ENG: variants seen among roughly 807,000 people sequenced by gnomAD.
ENG encodes CD105 antigen.
Under a neutral mutation model 71.0 loss-of-function variants are expected in ENG, and 17 were observed. That is an observed-to-expected ratio of 0.24 (90% confidence interval 0.16 to 0.36). The LOEUF (loss-of-function observed/expected upper bound fraction) is 0.36. Ranked by LOEUF, ENG falls within the 10% of genes least tolerant of loss-of-function variation. ENG has a pLI of 1.00. For synonymous variants in ENG, 360 were observed against 366.9 expected, an observed-to-expected ratio of 0.98 and a Z score of 0.21; for missense variants, 749 against 868.3, an observed-to-expected ratio of 0.86 and a Z score of 1.73.
intron 13 of ENG, 147 bp downstream of exon 13, chr9:127,817,002 G>C: frequency 1.1e-6 from 1 of 873,976 alleles, no homozygotes; most frequent in Non-Finnish European, 1.9e-6. Flanking sequence ...GCTCTGGGAA[G>C]CCCTCCTCCT....
chr9:127,822,057 A>G (rs1830480809), intron 8 of ENG, among the ~76,000 whole-genome samples: 1 of 151,958 alleles, frequency 6.6e-6, no homozygotes, highest in Non-Finnish European at 1.5e-5. Context: ...CAAAGAAAAA[A>G]AAAGAAAAGA....
chr9:127,843,179 G>T lies in ENG; in HGVS notation c.134C>A (p.Thr45Asn). The T allele has an allele frequency of 6.2e-7, 1 of 1,614,234 alleles. No homozygotes were observed. Among genetic ancestry groups the T allele is most frequent in the Non-Finnish European group, 8.5e-7 (1 of 1,180,050 alleles). The change falls in exon 2 of 15, where the codon ACC becomes AAC. Residue 45 changes from threonine to asparagine, a missense_variant. Thr to Asn is a moderately conservative substitution (Grantham distance 65). Coordinates refer to ENST00000373203, the MANE Select transcript of ENG (RefSeq NM_001114753.3). The part of the protein sequence containing the change: ...VGPERGEVTY[T>N]TSQVSKGCVA... ...GCAGCCCTTCGAGACCTGGCTAGTG[G>T]TATATGTCACCTCGCCCCTCTCGGG...
chr9:127,828,438 G>A (rs918742031), intron 3 of ENG, among the ~76,000 whole-genome samples: 18 of 152,334 alleles, frequency 1.2e-4, no homozygotes, highest in Middle Eastern at 3.4e-3. Context: ...GCCCCAGGGA[G>A]CCCGCTCGGG....
intron 2 of ENG, among the ~76,000 whole-genome samples, chr9:127,834,537 T>G (rs7023430): frequency 0.051 from 7,722 of 152,278 alleles, 599 homozygotes; most frequent in African/African-American, 0.17. Flanking sequence ...CCTGAGTAAC[T>G]GGGATTACAG....
intron 8 of ENG, among the ~76,000 whole-genome samples, chr9:127,823,475 G>A (rs1404296601): frequency 6.7e-6 from 1 of 149,438 alleles, no homozygotes; most frequent in East Asian, 2.0e-4. Flanking sequence ...TGCAAGCTCT[G>A]CCTCCCGGGT....
intron 2 of ENG, among the ~76,000 whole-genome samples, chr9:127,833,478 C>T (rs945543097): frequency 6.8e-6 from 1 of 146,536 alleles, no homozygotes; most frequent in East Asian, 2.0e-4. Flanking sequence ...GCCAAGATCG[C>T]GCCATTGAGC....
At chr9:127,824,188 CT>C in intron 8 of ENG, 115 bp downstream of exon 8, 1 of 1,465,772 alleles carries the variant, frequency 6.8e-7, no homozygotes, top group Non-Finnish European at 9.5e-7. Context: ...AAAACTAAGG[CT>C]TGCAGAGGGA....
intron 8 of ENG, among the ~76,000 whole-genome samples, chr9:127,823,870 A>G (rs1284394515): frequency 6.6e-6 from 1 of 151,652 alleles, no homozygotes; most frequent in African/African-American, 2.4e-5. Flanking sequence ...TAGTAAAGAC[A>G]GGGTTTCACC....
chr9:127,852,211 G>A (rs1423701241), intron 1 of ENG, among the ~76,000 whole-genome samples: 3 of 152,172 alleles, frequency 2.0e-5, no homozygotes, highest in African/African-American at 7.2e-5. Flanking sequence ...CACGGACCAC[G>A]CATCTTTACA....
chr9:127,837,762 C>CCATG (rs2131908617), intron 2 of ENG, among the ~76,000 whole-genome samples: 1 of 149,380 alleles, frequency 6.7e-6, no homozygotes, highest in East Asian at 1.9e-4. Context: ...ATCCTCTCAT[C>CCATG]CATGCATGAA....
At chr9:127,825,493 C>T in intron 5 of ENG, 136 bp from the exon 6 acceptor site, 1 of 1,448,430 alleles carries the variant, frequency 6.9e-7, no homozygotes, top group Non-Finnish European at 9.4e-7. Flanking sequence ...GGACTGGGGC[C>T]AGGCTTGTGC....
chr9:127,825,341 C>A lies in ENG; in HGVS notation c.706G>T (p.Val236Leu). ...GHSAGPRTVTVKVELSCAPGD... is the reference protein window; with the variant it reads ...GHSAGPRTVTLKVELSCAPGD... ...GGTGCGCAGCTCAGTTCCACCTTCA[C>A]CGTCACCGTCCGGGGCCTGCGGGGA... The change falls in exon 6 of 15, where the codon GTG becomes TTG. Residue 236 changes from valine to leucine, a missense_variant. Transcript: ENST00000373203. The A allele has an allele frequency of 6.2e-7, 1 of 1,610,384 alleles. No homozygotes were observed.
chr9:127,821,701 C>A (rs1226769242), intron 8 of ENG, among the ~76,000 whole-genome samples: 1 of 146,452 alleles, frequency 6.8e-6, no homozygotes, highest in Non-Finnish European at 1.5e-5. Context: ...CATAGTGAAA[C>A]CCCGTCTCTG....
intron 2 of ENG, among the ~76,000 whole-genome samples, chr9:127,840,321 C>T (rs557757694): frequency 5.9e-5 from 9 of 152,318 alleles, no homozygotes; most frequent in South Asian, 2.1e-4. Flanking sequence ...TGGGGCCAGA[C>T]GCAGTGGCTC....
rs1297348681 is a variant in ENG at position 127,815,772 on chromosome 9, C to T, written c.1887G>A (p.Val629=). The change falls in exon 15 of 15, where the codon GTG becomes GTA. Residue 629 remains valine, a synonymous_variant. Transcript: ENST00000373203. ...SPSKREPVVA[V]AAPASSESSS... ...TGCTCTCCGAGGAGGCCGGGGCAGC[C>T]ACCGCCACCACGGGCTCCCGCTTGC... The T allele has an allele frequency of 6.5e-7, 1 of 1,545,054 alleles. No individual in the cohort carries two copies. The highest frequency in any genetic ancestry group is 8.7e-7 in the Non-Finnish European group (1 of 1,147,506).
intron 12 of ENG, 33 bp downstream of exon 12, chr9:127,818,087 C>G: frequency 1.2e-6 from 2 of 1,613,798 alleles, no homozygotes; most frequent in Non-Finnish European, 8.5e-7. Context: ...GAAGCTCCCA[C>G]TTGAAGCTGG....
Position 127,836,451 on chromosome 9 carries a change from ATTC to A in ENG, c.220-6627_220-6625del, listed in dbSNP as rs1324566029. 2.0e-5 allele frequency among the ~76,000 whole-genome samples: 3 copies of A among 152,324 alleles called. No individual in the cohort carries two copies. Among genetic ancestry groups the A allele is most frequent in the Middle Eastern group, 3.4e-3 (1 of 294 alleles). ...CACTTATAGAAAGTCGCTTCCAGCA[ATTC>A]TTCTAGGAGTGGAGCCTCAGGGCTG... On this transcript the variant is annotated intron_variant, in intron 2 of 14. Coordinates refer to ENST00000373203, the MANE Select transcript of ENG (RefSeq NM_001114753.3). The surrounding 1 kb of genome is among the most constrained non-coding windows in gnomAD (Gnocchi z 4.0).
chr9:127,847,493 T>C (rs2131926616), intron 1 of ENG, among the ~76,000 whole-genome samples: 1 of 152,116 alleles, frequency 6.6e-6, no homozygotes, highest in Non-Finnish European at 1.5e-5. Context: ...AGTCTCACTC[T>C]GTCACCCAGG....
chr9:127,818,495 A>G (rs1288405617), intron 11 of ENG, 118 bp from the exon 12 acceptor site: 5 of 1,544,748 alleles, frequency 3.2e-6, no homozygotes, highest in Non-Finnish European at 3.5e-6. Context: ...CACAGTGGAA[A>G]GAAAGACATG....
Sources: allele counts gnomAD v4.1 joint callset (sites outside exome capture counted in the v4.1 genomes callset), GRCh38; gene constraint gnomAD v4.1.1; non-coding constraint Gnocchi (gnomAD v3.1); transcripts MANE v1.5; gene names NCBI Gene and HGNC (gene_info 2026-07-23, HGNC 2026-07-21).